The following KIFC1 variants were observed in gnomAD, a reference collection of about 807,000 sequenced individuals.
KIFC1 encodes the protein kinesin-like protein KIFC1.
In KIFC1, 37 loss-of-function variants were observed where a neutral mutation model predicts 66.6. The observed-to-expected ratio is 0.56, with a 90% confidence interval of 0.43 to 0.73. KIFC1 has a LOEUF of 0.73. KIFC1 is among the 30% of genes least tolerant of loss of function. The probability of loss-of-function intolerance (pLI) is 0.00; values close to 1 mark genes in which losing one functional copy is unlikely to be tolerated. For missense variants in KIFC1, 721 were observed against 859.8 expected (o/e 0.84, Z 2.02); for synonymous variants, 325 against 343.5 (o/e 0.95, Z 0.60).
Position 33,398,011 on chromosome 6 carries a change from G to T in KIFC1, c.13-18G>T. On this transcript the variant is annotated intron_variant, in intron 1 of 10. Coordinates refer to ENST00000428849, the MANE Select transcript of KIFC1 (RefSeq NM_002263.4). ...TTGGGCTCCTGGGTATTGTCTTAAG[G>T]GTCTCTTTTCCCAACAGAGGTCCCC... is the stretch of plus-strand genomic sequence containing the variant. 1 of 1,613,718 alleles carries T rather than the reference G, an allele frequency of 6.2e-7. No individual in the cohort carries two copies. The highest frequency in any genetic ancestry group is 8.5e-7 in the Non-Finnish European group (1 of 1,179,878).
chr6:33,401,562 T>G lies in KIFC1; in HGVS notation c.251-1752T>G, dbSNP rs534598509. Among the ~76,000 whole-genome samples the G allele has an allele frequency of 6.6e-6, 1 of 152,322 alleles. No homozygotes were observed. The highest frequency in any genetic ancestry group is 2.4e-5 in the African/African-American group (1 of 41,576). On this transcript the variant is annotated intron_variant, in intron 3 of 10. Coordinates refer to ENST00000428849, the MANE Select transcript of KIFC1 (RefSeq NM_002263.4). This position sits in a 1 kb window ranked among gnomAD's most constrained non-coding sequence, Gnocchi z 4.5. Reference sequence around the variant, plus strand: ...TGTTAAAAACGAAGAAATATACACATTAGCCTAGGCCTACATAGGGTCAGG... The same window carrying G: ...TGTTAAAAACGAAGAAATATACACAGTAGCCTAGGCCTACATAGGGTCAGG...
chr6:33,403,752 G>A lies in KIFC1; in HGVS notation c.379G>A (p.Gly127Arg), dbSNP rs1562834775. The change falls in exon 6 of 11, where the codon GGA becomes AGA. Residue 127 changes from glycine (G) to arginine (R), a missense_variant. Transcript: ENST00000428849. The surrounding 1 kb of genome is among the most constrained non-coding windows in gnomAD (Gnocchi z 4.6). ...AGCATCAGGTGTTCCTCCCATGGCA[G>A]GAGGGAAGAAACCCAGCAAACGTCC... ...SGTSGVPPMA[G>R]GKKPSKRPAW... The A allele has an allele frequency of 9.3e-6, 15 of 1,613,390 alleles. No homozygotes were observed. The highest frequency in any genetic ancestry group is 1.7e-5 in the Admixed American group (1 of 59,952).
In KIFC1 at chr6:33,400,546, T is replaced by G; in HGVS notation, c.250+2159T>G. Reference sequence around the variant, plus strand: ...GACCTTGATCTCGTTGGGGTCGAACTTCGGTGGCATGGTGGAGGCAGCTGG... The same window carrying G: ...GACCTTGATCTCGTTGGGGTCGAACGTCGGTGGCATGGTGGAGGCAGCTGG... On this transcript the variant is annotated intron_variant, in intron 3 of 10. Transcript: ENST00000428849. This position sits in a 1 kb window ranked among gnomAD's most constrained non-coding sequence, Gnocchi z 4.3. The G allele has an allele frequency of 6.8e-7, 1 of 1,469,764 alleles. No individual in the cohort carries two copies. The highest frequency in any genetic ancestry group is 9.4e-7 in the Non-Finnish European group (1 of 1,059,226). 91.0% of individuals were successfully genotyped at this position (1,469,764 alleles called of 1,614,324 possible).
intron 1 of KIFC1, among the ~76,000 whole-genome samples, chr6:33,395,402 C>A (rs1258183611): frequency 6.6e-6 from 1 of 151,938 alleles, no homozygotes; most frequent in African/African-American, 2.4e-5. Flanking sequence ...GAGGATTTGG[C>A]GAGTCCAGGA....
At chr6:33,409,542 G>A in intron 10 of KIFC1, 104 bp from the exon 11 acceptor site, 1 of 1,170,578 alleles carries the variant, frequency 8.5e-7, no homozygotes, top group Non-Finnish European at 1.3e-6. Context: ...CCTTATTTCG[G>A]TATTTCTGAG....
chr6:33,407,142 C>T (rs1293875802), intron 10 of KIFC1: 2 of 1,163,634 alleles, frequency 1.7e-6, no homozygotes, highest in Non-Finnish European at 2.3e-6. Context: ...GGCGTAGTAG[C>T]TCATGCCTAT....
In KIFC1 at chr6:33,406,186, C is replaced by G. The variant is rs1309080265; in HGVS notation, c.1537-10C>G. ...GCCTGCCTTTTTGCCCCTTCTGCTC[C>G]CATCCCCAGGTGGACGCCCTGCTTC... On this transcript the variant is annotated splice_polypyrimidine_tract_variant and intron_variant, in intron 7 of 10. Coordinates refer to ENST00000428849, the MANE Select transcript of KIFC1 (RefSeq NM_002263.4). The surrounding 1 kb of genome is among the most constrained non-coding windows in gnomAD (Gnocchi z 4.5). The G allele has an allele frequency of 6.3e-7, 1 of 1,596,076 alleles. No individual in the cohort carries two copies. Among genetic ancestry groups the G allele is most frequent in the Non-Finnish European group, 8.6e-7 (1 of 1,168,604 alleles).
chr6:33,394,247 G>T (rs1453212792), intron 1 of KIFC1, among the ~76,000 whole-genome samples: 1 of 152,190 alleles, frequency 6.6e-6, no homozygotes, highest in Non-Finnish European at 1.5e-5. Context: ...TTAGGTCAGG[G>T]TGATAGCAGT....
At chr6:33,409,527 G>T in intron 10 of KIFC1, 119 bp from the exon 11 acceptor site, 1 of 988,810 alleles carries the variant, frequency 1.0e-6, no homozygotes, top group Non-Finnish European at 1.6e-6. Flanking sequence ...ACCAGCCTTT[G>T]GAGGCCTTAT....
intron 1 of KIFC1, among the ~76,000 whole-genome samples, chr6:33,392,792 A>G (rs1487552979): frequency 6.6e-6 from 1 of 152,214 alleles, no homozygotes; most frequent in East Asian, 1.9e-4. Context: ...AGAGCAGAGT[A>G]GTATTATGTG....
rs1775362032 is a variant in KIFC1 at position 33,401,300 on chromosome 6, A to T, written c.251-2014A>T. ...TAGGTGTGTGCCATCATACCCAGCTAATTTTTTGTATTTTTAGTAGAGATG... is the reference window on the plus strand; with the variant it reads ...TAGGTGTGTGCCATCATACCCAGCTTATTTTTTGTATTTTTAGTAGAGATG... On this transcript the variant is annotated intron_variant, in intron 3 of 10. Coordinates refer to ENST00000428849, the MANE Select transcript of KIFC1 (RefSeq NM_002263.4). This position sits in a 1 kb window ranked among gnomAD's most constrained non-coding sequence, Gnocchi z 4.5. Among the ~76,000 whole-genome samples the T allele has an allele frequency of 6.7e-6, 1 of 150,066 alleles. No individual in the cohort carries two copies. The highest frequency in any genetic ancestry group is 2.5e-5 in the African/African-American group (1 of 40,720).
upstream of KIFC1, chr6:33,391,734 C>T (rs1774791214): frequency 1.7e-6 from 1 of 605,328 alleles, no homozygotes; most frequent in Non-Finnish European, 3.0e-6. Flanking sequence ...CTTCGGGTGG[C>T]GGAGAACGCT....
rs211463 is a variant in KIFC1, at chr6:33,396,242, A to G, written c.13-1787A>G. ...ATTGAACTTAGCATCCATGAAACCA[A>G]TCCTGCTGGGTCCAGTGGCATGTGC... On this transcript the variant is annotated intron_variant, in intron 1 of 10. Coordinates refer to ENST00000428849, the MANE Select transcript of KIFC1 (RefSeq NM_002263.4). Among the ~76,000 whole-genome samples the G allele has an allele frequency of 4.6e-5, 7 of 152,266 alleles. No individual in the cohort carries two copies. In the East Asian group the frequency reaches 9.6e-4, roughly 21 times the overall value.
intron 2 of KIFC1, 27 bp downstream of exon 2, chr6:33,398,193 T>A (rs1775187194): frequency 6.2e-7 from 1 of 1,613,900 alleles, no homozygotes; most frequent in African/African-American, 1.3e-5. Flanking sequence ...GAGCTGTGCA[T>A]GTGTGTGGGG....
rs1042431269 is a variant in KIFC1, at chr6:33,403,029, A to G, written c.251-285A>G. The stretch of plus-strand genomic sequence containing the variant: ...GTATATGGGAGCGTGTGCATAGACT[A>G]TATTTAATACTATATACCTATTTAT... On this transcript the variant is annotated intron_variant, in intron 3 of 10. Coordinates refer to ENST00000428849, the MANE Select transcript of KIFC1 (RefSeq NM_002263.4). This position sits in a 1 kb window ranked among gnomAD's most constrained non-coding sequence, Gnocchi z 4.6. Among the ~76,000 whole-genome samples the G allele has an allele frequency of 6.6e-6, 1 of 152,112 alleles. No homozygotes were observed. Among genetic ancestry groups the G allele is most frequent in the Admixed American group, 6.6e-5 (1 of 15,266 alleles).
intron 1 of KIFC1, among the ~76,000 whole-genome samples, chr6:33,397,007 T>TTTTTG (rs1775082877): frequency 6.9e-6 from 1 of 144,174 alleles, no homozygotes; most frequent in Non-Finnish European, 1.5e-5. Context: ...TTTTTTTTTT[T>TTTTTG]GAGACGTAGT....
rs201789629 is a variant in KIFC1, at chr6:33,406,394, G to A, written c.1735G>A (p.Gly579Ser). 1.6e-4 allele frequency: 251 copies of A among 1,611,300 alleles called. No homozygotes were observed. Among genetic ancestry groups the A allele is most frequent in the Admixed American group, 2.0e-4 (12 of 59,836 alleles). ...GCGACTTGACCCCGGCTTAGCCCTC[G>A]GCCCCGGGGAGCGGGAACGCCTTCG... ...SERLDPGLAL[G>S]PGERERLRET... is the part of the protein sequence containing the mutation. Residue 579 changes from glycine to serine, a missense_variant, in exon 8 of 11, where the codon GGC becomes AGC. Transcript: ENST00000428849. This position sits in a 1 kb window ranked among gnomAD's most constrained non-coding sequence, Gnocchi z 4.5.
In KIFC1 at chr6:33,405,441, G is replaced by T. The variant is rs1475982013; in HGVS notation, c.1346G>T (p.Ser449Ile). Residue 449 changes from serine to isoleucine, a missense_variant, in exon 7 of 11, where the codon AGT (serine) becomes ATT (isoleucine). Coordinates refer to ENST00000428849, the MANE Select transcript of KIFC1 (RefSeq NM_002263.4). The surrounding 1 kb of genome is among the most constrained non-coding windows in gnomAD (Gnocchi z 5.4). ...RHLFSVAQEL[S>I]GQGWTYSFVA... ...CTCTTCTCTGTGGCTCAGGAGCTGA[G>T]TGGTCAGGGCTGGACCTACAGCTTT... The T allele has an allele frequency of 1.2e-6, 2 of 1,605,640 alleles. No individual in the cohort carries two copies. The highest frequency in any genetic ancestry group is 1.7e-6 in the Non-Finnish European group (2 of 1,174,734).
At position 33,406,881 on chromosome 6, in the gene KIFC1, A is replaced by G. The variant is rs1250449767; in HGVS notation, c.1977+6A>G. 1.2e-6 allele frequency: 2 copies of G among 1,613,942 alleles called. No individual in the cohort carries two copies. Among genetic ancestry groups the G allele is most frequent in the Admixed American group, 1.7e-5 (1 of 59,994 alleles). ...CTCTACGCTTTGCCTCCAAGGTGCG[A>G]TTACCACCCGTCAGCCTTGTCAGGA... is the stretch of plus-strand genomic sequence containing the variant. On this transcript the variant is annotated splice_donor_region_variant and intron_variant, in intron 10 of 10. Transcript: ENST00000428849. This position sits in a 1 kb window ranked among gnomAD's most constrained non-coding sequence, Gnocchi z 4.5.
Sources: gnomAD v4.1 joint callset for allele counts (sites outside exome capture counted in the v4.1 genomes callset) on GRCh38, gnomAD v4.1.1 for gene constraint, Gnocchi (gnomAD v3.1) non-coding constraint, MANE v1.5 for transcripts, NCBI Gene and HGNC (gene_info 2026-07-23, HGNC 2026-07-21) for gene names.